Variants in PLEKHG5 observed in about 807,000 individuals in gnomAD.
PLEKHG5 encodes the protein pleckstrin homology domain-containing family G member 5.
PLEKHG5 carries 52 observed loss-of-function variants against 103.8 expected under a neutral mutation model. The observed-to-expected ratio is 0.50, with a 90% CI of 0.40 to 0.63. The LOEUF (loss-of-function observed/expected upper bound fraction) is 0.63, where lower values mean the gene tolerates loss of function less well. Among genes scored for constraint, PLEKHG5 ranks in the 30% least tolerant of loss-of-function variants. The pLI is 0.00. For missense variants in PLEKHG5, 1,205 were observed against 1,347.6 expected (o/e 0.89, Z 1.66); for synonymous variants, 592 against 575.5 (o/e 1.03, Z -0.41).
At chr1:6,479,169 T>C (rs1190902582) in intron 1 of PLEKHG5, among the ~76,000 whole-genome samples, 1 of 152,194 alleles carries the variant, frequency 6.6e-6, no homozygotes, top group African/African-American at 2.4e-5. Flanking sequence ...AACCTTGATA[T>C]ATAGTCTATA....
At chr1:6,494,118 A>ATTTTTTT (rs36105555), upstream of PLEKHG5, among the ~76,000 whole-genome samples, 1 of 75,722 alleles carries the variant, frequency 1.3e-5, no homozygotes, top group African/African-American at 1.0e-4. Flanking sequence ...CACCTGGCTA[A>ATTTTTTT]TTTTTTTTTT....
chr1:6,516,502 C>T (rs1400466715), intron 1 of PLEKHG5, among the ~76,000 whole-genome samples: 2 of 151,636 alleles, frequency 1.3e-5, no homozygotes, highest in Non-Finnish European at 2.9e-5. Context: ...ACTAAAAATA[C>T]AAAAATTAGC....
chr1:6,507,386 T>C (rs1489348062), intron 1 of PLEKHG5, among the ~76,000 whole-genome samples: 1 of 152,042 alleles, frequency 6.6e-6, no homozygotes, highest in African/African-American at 2.4e-5. Flanking sequence ...CAGAGGGCCA[T>C]GGGGCAGCCC....
chr1:6,488,684 G>A (rs754083914), intron 1 of PLEKHG5, among the ~76,000 whole-genome samples: 1 of 152,052 alleles, frequency 6.6e-6, no homozygotes, highest in Non-Finnish European at 1.5e-5. Context: ...GCCTGGGCAG[G>A]CTCCTGCATT....
intron 5 of PLEKHG5, 32 bp from the exon 6 acceptor site, chr1:6,474,619 A>C (rs772087590): frequency 6.2e-7 from 1 of 1,612,022 alleles, no homozygotes; most frequent in Non-Finnish European, 8.5e-7. Flanking sequence ...TGTGTGTTAG[A>C]ACCAGGCGGC....
intron 1 of PLEKHG5, among the ~76,000 whole-genome samples, chr1:6,512,715 C>T (rs868482904): frequency 1.6e-4 from 24 of 152,352 alleles, no homozygotes; most frequent in Middle Eastern, 6.8e-3. Context: ...AGGCCACCAC[C>T]GCCCTGCCTC....
intron 1 of PLEKHG5, among the ~76,000 whole-genome samples, chr1:6,506,429 C>T (rs950621433): frequency 2.0e-5 from 3 of 152,202 alleles, no homozygotes; most frequent in Non-Finnish European, 2.9e-5. Flanking sequence ...CCGGCCCCCT[C>T]GGAGCCCCCA....
At chr1:6,497,916 C>T (rs1277782273), upstream of PLEKHG5, among the ~76,000 whole-genome samples, 1 of 152,162 alleles carries the variant, frequency 6.6e-6, no homozygotes, top group Non-Finnish European at 1.5e-5. This position sits in a 1 kb window ranked among gnomAD's most constrained non-coding sequence, Gnocchi z 6.1. Flanking sequence ...AACACATTTT[C>T]AGGAAACTTT....
chr1:6,505,280 G>A lies in PLEKHG5; in HGVS notation c.-164-8711C>T, dbSNP rs935831921. On this transcript the variant is annotated intron_variant, in intron 1 of 21. Coordinates refer to the PLEKHG5 transcript ENST00000377740. This position sits in a 1 kb window ranked among gnomAD's most constrained non-coding sequence, Gnocchi z 4.2. ...ACTGTGCCGACCAGCCTACAGTACC[G>A]ACCAGCCCACGATGCCGACCAGCCT... Among the ~76,000 whole-genome samples the A allele has an allele frequency of 5.3e-5, 8 of 151,998 alleles. No individual in the cohort carries two copies. The highest frequency in any genetic ancestry group is 1.0e-4 in the Non-Finnish European group (7 of 67,996).
intron 1 of PLEKHG5, among the ~76,000 whole-genome samples, chr1:6,513,897 G>A (rs1638544059): frequency 6.6e-6 from 1 of 152,234 alleles, no homozygotes; most frequent in African/African-American, 2.4e-5. Context: ...CCAGCCTCCA[G>A]AGGCAGTTTC....
intron 7 of PLEKHG5, 34 bp downstream of exon 7, chr1:6,473,979 C>G: frequency 7.8e-7 from 1 of 1,282,060 alleles, no homozygotes; most frequent in Non-Finnish European, 1.1e-6. Context: ...GGCCCCTTCC[C>G]ACCCCCTCCC....
intron 7 of PLEKHG5, 37 bp downstream of exon 7, chr1:6,473,976 T>TTC: frequency 1.6e-4 from 197 of 1,265,352 alleles, no homozygotes; most frequent in Non-Finnish European, 1.9e-4. Context: ...CTGGGCCCCT[T>TTC]CCCACCCCCT....
chr1:6,475,575 C>T (rs1416962703), intron 3 of PLEKHG5, 53 bp from the exon 4 acceptor site: 9 of 1,517,768 alleles, frequency 5.9e-6, no homozygotes, highest in South Asian at 5.6e-5. Flanking sequence ...CCCTCGCCAG[C>T]GTGGGCGGCG....
Position 6,471,034 on chromosome 1 carries a change from G to A in PLEKHG5, c.1348C>T (p.Arg450Cys). Residue 450 changes from arginine (R) to cysteine (C), a missense_variant, in exon 13 of 21, where the codon CGC becomes TGC. Coordinates refer to ENST00000377728, the MANE Select transcript of PLEKHG5 (RefSeq NM_020631.6). ...MEEEGCMEYM[R>C]GLLRDNDLFR... ...AGGTCGTTGTCGCGCAGCAGGCCGC[G>A]CATGTACTCCATGCAGCCCTCCTCC... 6.2e-7 allele frequency: 1 copy of A among 1,606,266 alleles called. No homozygotes were observed. Among genetic ancestry groups the A allele is most frequent in the Non-Finnish European group, 8.5e-7 (1 of 1,176,806 alleles).
intron 1 of PLEKHG5, among the ~76,000 whole-genome samples, chr1:6,516,150 C>T (rs764934172): frequency 3.3e-5 from 5 of 152,136 alleles, no homozygotes; most frequent in Non-Finnish European, 7.3e-5. Context: ...AAAAACTGGG[C>T]TGGGCTTCGT....
At position 6,469,395 on chromosome 1, in the gene PLEKHG5, C is replaced by A. The variant is rs775819026; in HGVS notation, c.1989G>T (p.Thr663=). ...ACAAGGCCTGGCCACTGGCCTGGAACGTGTAGGCCCCTACAGCACTGTGAA... is the reference window on the plus strand; with the variant it reads ...ACAAGGCCTGGCCACTGGCCTGGAAAGTGTAGGCCCCTACAGCACTGTGAA... The part of the protein sequence containing the change: ...NEFHSAVGAY[T]FQASGQALCR... The change falls in exon 18 of 21, where the codon ACG becomes ACT. Residue 663 remains threonine (T), a synonymous_variant. Coordinates refer to ENST00000377728, the MANE Select transcript of PLEKHG5 (RefSeq NM_020631.6). The A allele has an allele frequency of 3.1e-6, 5 of 1,614,148 alleles. No individual in the cohort carries two copies. The South Asian group carries it at 4.4e-5, about 14-fold the overall frequency.
chr1:6,496,308 T>G (rs1336351686), upstream of PLEKHG5, among the ~76,000 whole-genome samples: 1 of 152,246 alleles, frequency 6.6e-6, no homozygotes, highest in Non-Finnish European at 1.5e-5. Context: ...CCACTGTTCC[T>G]GAGCTGGGGG....
In PLEKHG5 at chr1:6,510,283, A is replaced by C. The variant is rs191936021; in HGVS notation, c.-165+9162T>G. Reference sequence around the variant, plus strand: ...CCCTCCCCAAACGCTCCACCAGGCCAAGTAAAAAGAAGAATCTGCCTCTGC... The same window carrying C: ...CCCTCCCCAAACGCTCCACCAGGCCCAGTAAAAAGAAGAATCTGCCTCTGC... On this transcript the variant is annotated intron_variant, in intron 1 of 21. Transcript: ENST00000377740. Among the ~76,000 whole-genome samples, 520 of 152,258 alleles carry C rather than the reference A, an allele frequency of 3.4e-3. 2 individuals carry two copies. Among genetic ancestry groups the C allele is most frequent in the African/African-American group, 0.012 (493 of 41,556 alleles).
chr1:6,475,841 G>A, intron 3 of PLEKHG5, 90 bp downstream of exon 3: 1 of 1,099,250 alleles, frequency 9.1e-7, no homozygotes, highest in East Asian at 2.4e-5. Context: ...ACTTGAGGAA[G>A]GCGCCAGAGC....
Sources: allele counts gnomAD v4.1 joint callset (sites outside exome capture counted in the v4.1 genomes callset), GRCh38; gene constraint gnomAD v4.1.1; non-coding constraint Gnocchi (gnomAD v3.1); transcripts MANE v1.5; gene names NCBI Gene and HGNC (gene_info 2026-07-23, HGNC 2026-07-21).